SPSB4: variants seen among roughly 807,000 people sequenced by gnomAD.
SPSB4 encodes splA/ryanodine receptor domain and SOCS box containing 4.
Under a neutral mutation model 20.9 loss-of-function variants are expected in SPSB4, and 21 were observed. The observed-to-expected ratio is 1.01, with a 90% CI of 0.71 to 1.45. The LOEUF (loss-of-function observed/expected upper bound fraction) is 1.45, where lower values mean the gene tolerates loss of function less well. SPSB4 is among the 40% of genes most tolerant of loss of function. The pLI is 0.00. For synonymous variants in SPSB4, 207 were observed against 183.8 expected (o/e 1.13, Z -1.02); for missense variants, 399 against 399.2 (o/e 1.00, Z 0.00).
At position 141,143,108 on chromosome 3, in the gene SPSB4, G is replaced by A. The variant is rs574279124; in HGVS notation, c.695-4034G>A. Among the ~76,000 whole-genome samples, 13 of 152,098 alleles carry A rather than the reference G, an allele frequency of 8.5e-5. 1 individual carries two copies. In the East Asian group the frequency reaches 9.7e-4, roughly 11 times the overall value. Reference sequence around the variant, plus strand: ...TGGGATTACAGGTCTGAGCCACCACGCTTGGCCCCCTCTTTGTCTTTTTAA... The same window carrying A: ...TGGGATTACAGGTCTGAGCCACCACACTTGGCCCCCTCTTTGTCTTTTTAA... On this transcript the variant is annotated intron_variant, in intron 2 of 2. Transcript: ENST00000310546.
rs142728982 is a variant in SPSB4 at position 141,146,642 on chromosome 3, C to T, written c.695-500C>T. 9.3e-3 allele frequency among the ~76,000 whole-genome samples: 1,415 copies of T among 152,000 alleles called. 19 individuals are homozygous for T. The highest frequency in any genetic ancestry group is 0.032 in the African/African-American group (1,316 of 41,442). ...TACAAAAAATTAGCCGGGCTGGTGG[C>T]GGGTGCCTGTAGTCCCAGCTACTAG... On this transcript the variant is annotated intron_variant, in intron 2 of 2. Coordinates refer to ENST00000310546, the MANE Select transcript of SPSB4 (RefSeq NM_080862.3).
chr3:141,070,822 G>A (rs1445242523), intron 2 of SPSB4, among the ~76,000 whole-genome samples: 1 of 152,230 alleles, frequency 6.6e-6, no homozygotes, highest in Non-Finnish European at 1.5e-5. Flanking sequence ...GAGTAACTGA[G>A]GGAGCCTGGA....
At position 141,066,760 on chromosome 3, in the gene SPSB4, A is replaced by G; in HGVS notation, c.656A>G (p.His219Arg). Reference sequence around the variant, plus strand: ...CCGGTGGTGAGTGCCGTGTGGGGCCACTGTGAAGTCACCATGCGCTACATC... The same window carrying G: ...CCGGTGGTGAGTGCCGTGTGGGGCCGCTGTGAAGTCACCATGCGCTACATC... ...LYPVVSAVWG[H>R]CEVTMRYING... is the part of the protein sequence containing the mutation. The change falls in exon 2 of 3, where the codon CAC becomes CGC. Residue 219 changes from histidine (H) to arginine (R), a missense_variant. Coordinates refer to ENST00000310546, the MANE Select transcript of SPSB4 (RefSeq NM_080862.3). The G allele has an allele frequency of 1.3e-6, 2 of 1,582,874 alleles. No homozygotes were observed. Among genetic ancestry groups the G allele is most frequent in the South Asian group, 2.3e-5 (2 of 86,582 alleles).
chr3:141,109,635 A>G (rs1426956), intron 2 of SPSB4, among the ~76,000 whole-genome samples: 10,602 of 151,712 alleles, frequency 0.07, 752 homozygotes, highest in Admixed American at 0.22. Context: ...AATCTTTATC[A>G]TTGTTTTCTC....
chr3:141,110,331 A>C (rs1938775462), intron 2 of SPSB4, among the ~76,000 whole-genome samples: 1 of 152,238 alleles, frequency 6.6e-6, no homozygotes, highest in Non-Finnish European at 1.5e-5. Flanking sequence ...TTCAATCATT[A>C]AAACAGAGCA....
chr3:141,063,721 G>A (rs966567679), intron 1 of SPSB4, among the ~76,000 whole-genome samples: 2 of 152,106 alleles, frequency 1.3e-5, no homozygotes, highest in Non-Finnish European at 2.9e-5. Context: ...TTCTTCTATA[G>A]CATCTTTGAC....
rs1044026256 is a variant in SPSB4, at chr3:141,088,226, G to A, written c.694+21428G>A. 3.3e-5 allele frequency among the ~76,000 whole-genome samples: 5 copies of A among 152,272 alleles called. No homozygotes were observed. In the South Asian group the frequency reaches 6.2e-4, roughly 19 times the overall value. ...GGCTTCAAGGGAAGTTGTTGCCAGC[G>A]GTACACAGGGACACAGAAAAGGGCG... is the stretch of plus-strand genomic sequence containing the variant. On this transcript the variant is annotated intron_variant, in intron 2 of 2. Transcript: ENST00000310546.
At position 141,095,229 on chromosome 3, in the gene SPSB4, T is replaced by C. The variant is rs528524283; in HGVS notation, c.694+28431T>C. 1.3e-4 allele frequency among the ~76,000 whole-genome samples: 19 copies of C among 151,954 alleles called. No individual in the cohort carries two copies. The South Asian group carries it at 4.0e-3, about 32-fold the overall frequency. ...GCAGCCCTCCGCAGTCCCCGGAGAG[T>C]TGCTGTGCTGCCGAGACTGCGGAGA... On this transcript the variant is annotated intron_variant, in intron 2 of 2. Coordinates refer to ENST00000310546, the MANE Select transcript of SPSB4 (RefSeq NM_080862.3).
intron 2 of SPSB4, among the ~76,000 whole-genome samples, chr3:141,136,665 T>C (rs1047129836): frequency 3.9e-5 from 6 of 152,210 alleles, no homozygotes; most frequent in East Asian, 1.9e-4. Context: ...TGTGGTATTA[T>C]TTCTGAGGGC....
rs554807363 is a variant in SPSB4, at chr3:141,053,296, A to G, written c.-154+1304A>G. ...TAAAAGCATGATATAAACATCCTTTACCCAAGGGCATATTCCTCTGAGACA... is the reference window on the plus strand; with the variant it reads ...TAAAAGCATGATATAAACATCCTTTGCCCAAGGGCATATTCCTCTGAGACA... On this transcript the variant is annotated intron_variant, in intron 1 of 2. Coordinates refer to ENST00000310546, the MANE Select transcript of SPSB4 (RefSeq NM_080862.3). 2.2e-4 allele frequency among the ~76,000 whole-genome samples: 30 copies of G among 138,652 alleles called. No homozygotes were observed. In the South Asian group the frequency reaches 5.6e-3, roughly 26 times the overall value. The allele number at this position is 138,652 out of a possible 152,430, so 91.0% of individuals were successfully genotyped here.
chr3:141,068,437 CAACA>C (rs574207145), intron 2 of SPSB4, among the ~76,000 whole-genome samples: 39 of 152,258 alleles, frequency 2.6e-4, no homozygotes, highest in Non-Finnish European at 4.4e-4. Context: ...CCAACAGAAA[CAACA>C]AACAATCTTT....
chr3:141,098,975 C>A (rs747464872), intron 2 of SPSB4, among the ~76,000 whole-genome samples: 40 of 152,216 alleles, frequency 2.6e-4, no homozygotes, highest in Non-Finnish European at 5.0e-4. Flanking sequence ...GAAAAAGAGA[C>A]CAGATGGGGC....
At chr3:141,086,093 T>C (rs1191851504) in intron 2 of SPSB4, among the ~76,000 whole-genome samples, 1 of 152,204 alleles carries the variant, frequency 6.6e-6, no homozygotes, top group Non-Finnish European at 1.5e-5. Flanking sequence ...GTGAGAGGTT[T>C]TCCAAAATGC....
chr3:141,123,181 C>T (rs529847728), intron 2 of SPSB4, among the ~76,000 whole-genome samples: 4 of 152,264 alleles, frequency 2.6e-5, no homozygotes, highest in African/African-American at 9.6e-5. Flanking sequence ...ATCTTTGGTC[C>T]CATGCATAGC....
chr3:141,112,065 A>G (rs1281621396), intron 2 of SPSB4, among the ~76,000 whole-genome samples: 2 of 152,224 alleles, frequency 1.3e-5, no homozygotes, highest in African/African-American at 2.4e-5. Flanking sequence ...ACTGCAGCCC[A>G]GGGAGGCACC....
At chr3:141,144,707 C>T (rs1052590451) in intron 2 of SPSB4, among the ~76,000 whole-genome samples, 1 of 152,196 alleles carries the variant, frequency 6.6e-6, no homozygotes, top group African/African-American at 2.4e-5. Context: ...AATTTAGAAT[C>T]TAGATTGATT....
rs1937802617 is a variant in SPSB4, at chr3:141,063,414, C to T, written c.-153-2538C>T. On this transcript the variant is annotated intron_variant, in intron 1 of 2. Coordinates refer to ENST00000310546, the MANE Select transcript of SPSB4 (RefSeq NM_080862.3). ...TATTTCATGCTTTTATGCCTTTTTG[C>T]CTCTCTTGCTTTCTAACAAAATCTT... Among the ~76,000 whole-genome samples, 3 of 152,012 alleles carry T rather than the reference C, an allele frequency of 2.0e-5. No homozygotes were observed. The South Asian group carries it at 6.2e-4, about 32-fold the overall frequency.
chr3:141,089,106 A>G (rs999755755), intron 2 of SPSB4, among the ~76,000 whole-genome samples: 1 of 152,218 alleles, frequency 6.6e-6, no homozygotes, highest in South Asian at 2.1e-4. Context: ...TGGCAGCGTC[A>G]ATCCTGCTTA....
At chr3:141,054,100 G>A (rs1936141282) in intron 1 of SPSB4, among the ~76,000 whole-genome samples, 1 of 152,208 alleles carries the variant, frequency 6.6e-6, no homozygotes, top group Admixed American at 6.5e-5. Context: ...CCCAGAAAGT[G>A]GCCAAGCCAC....
Sources: allele counts gnomAD v4.1 joint callset (sites outside exome capture counted in the v4.1 genomes callset), GRCh38; gene constraint gnomAD v4.1.1; transcripts MANE v1.5; gene names NCBI Gene and HGNC (gene_info 2026-07-23, HGNC 2026-07-21).